The following FAM118B variants were observed in gnomAD, a reference collection of about 807,000 sequenced individuals.
FAM118B encodes protein FAM118B.
Under a neutral mutation model 38.5 loss-of-function variants are expected in FAM118B, and 24 were observed. The observed-to-expected ratio is 0.62, with a 90% CI of 0.45 to 0.88. The LOEUF (loss-of-function observed/expected upper bound fraction) is 0.88, where lower values mean the gene tolerates loss of function less well. Among genes scored for constraint, FAM118B ranks in the 40% least tolerant of loss-of-function variants. FAM118B has a pLI of 0.00. For synonymous variants in FAM118B, 138 were observed against 156.3 expected, an observed-to-expected ratio of 0.88 and a Z score of 0.87; for missense variants, 334 against 420.0, an observed-to-expected ratio of 0.80 and a Z score of 1.79.
intron 2 of FAM118B, chr11:126,233,507 A>T (rs921787051): frequency 1.9e-5 from 5 of 259,248 alleles, no homozygotes; most frequent in African/African-American, 1.2e-4. Context: ...AAAACAAAAA[A>T]CCCAGAAAAA....
chr11:126,248,523 C>T (rs68088765), intron 4 of FAM118B, among the ~76,000 whole-genome samples: 8,394 of 151,756 alleles, frequency 0.055, 362 homozygotes, highest in East Asian at 0.17. Context: ...GGCACCACCA[C>T]CACGCCCAGC....
intron 2 of FAM118B, chr11:126,233,571 TCTC>T (rs1280648439): frequency 2.8e-6 from 1 of 355,496 alleles, no homozygotes; most frequent in Non-Finnish European, 5.4e-6. Flanking sequence ...TCATCTGTCT[TCTC>T]CTGAGCCCCA....
chr11:126,245,794 C>T (rs1950411742), intron 4 of FAM118B, among the ~76,000 whole-genome samples: 2 of 151,956 alleles, frequency 1.3e-5, no homozygotes, highest in Admixed American at 1.3e-4. Flanking sequence ...GTCGGAAGTT[C>T]GAGACCAGCC....
In FAM118B at chr11:126,241,008, C is replaced by T. The variant is rs773098505; in HGVS notation, c.303C>T (p.Val101=). 3.2e-5 allele frequency: 51 copies of T among 1,612,162 alleles called. No individual in the cohort carries two copies. The Middle Eastern group carries it at 9.9e-4, about 31-fold the overall frequency. Residue 101 remains valine, a synonymous_variant, in exon 4 of 9, where the codon GTC becomes GTT. Coordinates refer to ENST00000533050, the MANE Select transcript of FAM118B (RefSeq NM_024556.4). ...QKCLHEDKNL[V]HVAHDLIQKL... ...GTCTCCATGAAGACAAGAACCTGGT[C>T]CATGTTGCCCATGACCTTATCCAGA...
At chr11:126,220,443 G>T (rs1044850060) in intron 1 of FAM118B, among the ~76,000 whole-genome samples, 2 of 152,008 alleles carry the variant, frequency 1.3e-5, no homozygotes, top group African/African-American at 4.8e-5. Context: ...GGGCTTGGTG[G>T]CCCATGCCTG....
Position 126,255,641 on chromosome 11 carries a change from G to C in FAM118B, c.697-926G>C, listed in dbSNP as rs1393518919. Among the ~76,000 whole-genome samples the C allele has an allele frequency of 6.6e-6, 1 of 152,136 alleles. No individual in the cohort carries two copies. The highest frequency in any genetic ancestry group is 1.9e-4 in the East Asian group (1 of 5,198). On this transcript the variant is annotated intron_variant, in intron 6 of 8. Coordinates refer to ENST00000533050, the MANE Select transcript of FAM118B (RefSeq NM_024556.4). This position sits in a 1 kb window ranked among gnomAD's most constrained non-coding sequence, Gnocchi z 4.6. Reference sequence around the variant, plus strand: ...AAATGGAAGGATTAAGATATATGAAGACCTACTCTTTGCACAATGACCTCT... The same window carrying C: ...AAATGGAAGGATTAAGATATATGAACACCTACTCTTTGCACAATGACCTCT...
chr11:126,261,150 T>TATGTGAA lies in FAM118B; in HGVS notation c.983-270_983-264dup, dbSNP rs544443149. ...AGGGACAGCAGACACATGTTGCCTGTATGTGAAATGTAAAATGTAAAATGT... is the reference window on the plus strand; with the variant it reads ...AGGGACAGCAGACACATGTTGCCTGTATGTGAAATGTGAAATGTAAAATGTAAAATGT... On this transcript the variant is annotated intron_variant, in intron 7 of 8. Coordinates refer to ENST00000533050, the MANE Select transcript of FAM118B (RefSeq NM_024556.4). 5.5e-4 allele frequency: 140 copies of TATGTGAA among 255,178 alleles called. 3 individuals carry two copies. In the East Asian group the frequency reaches 0.014, roughly 26 times the overall value. 15.8% of individuals were successfully genotyped at this position (255,178 alleles called of 1,614,324 possible). A position where few individuals can be genotyped will look rare whatever the true frequency, so the allele number is the denominator to read the frequency against.
In FAM118B at chr11:126,250,397, T is replaced by C. The variant is rs1292367996; in HGVS notation, c.340-109T>C. The C allele has an allele frequency of 1.3e-6, 1 of 742,730 alleles. No individual in the cohort carries two copies. The highest frequency in any genetic ancestry group is 1.8e-5 in the African/African-American group (1 of 56,816). The allele number at this position is 742,730 out of a possible 1,614,324, so 46.0% of individuals were successfully genotyped here. On this transcript the variant is annotated intron_variant, in intron 4 of 8. Coordinates refer to ENST00000533050, the MANE Select transcript of FAM118B (RefSeq NM_024556.4). The surrounding 1 kb of genome is among the most constrained non-coding windows in gnomAD (Gnocchi z 5.1). The stretch of plus-strand genomic sequence containing the variant: ...TGAGCCACTGCGCCTGGCCTTTATC[T>C]CTGTTTTGAATTCAAAATATTCTTC...
intron 1 of FAM118B, among the ~76,000 whole-genome samples, chr11:126,227,008 A>C (rs1212314554): frequency 6.6e-6 from 1 of 150,488 alleles, no homozygotes; most frequent in Non-Finnish European, 1.5e-5. Context: ...TTAACTATTG[A>C]ATGATAAATT....
intron 1 of FAM118B, among the ~76,000 whole-genome samples, chr11:126,221,252 A>G (rs1215804859): frequency 6.6e-6 from 1 of 152,208 alleles, no homozygotes; most frequent in Non-Finnish European, 1.5e-5. Flanking sequence ...TGAAAAGAAT[A>G]TCATGCTAGT....
At chr11:126,213,024 T>C (rs1949909778) in intron 1 of FAM118B, among the ~76,000 whole-genome samples, 1 of 152,202 alleles carries the variant, frequency 6.6e-6, no homozygotes, top group African/African-American at 2.4e-5. Context: ...TGATGAGGTC[T>C]GGTCTTTTCC....
rs551851934 is a variant in FAM118B, at chr11:126,250,029, G to C, written c.340-477G>C. On this transcript the variant is annotated intron_variant, in intron 4 of 8. Coordinates refer to ENST00000533050, the MANE Select transcript of FAM118B (RefSeq NM_024556.4). This position sits in a 1 kb window ranked among gnomAD's most constrained non-coding sequence, Gnocchi z 5.1. The stretch of plus-strand genomic sequence containing the variant: ...CTGCTAAGCATTGTGCTAAGCACTT[G>C]GCATGTATCATCTCATCTTCCTTAT... 8.6e-5 allele frequency among the ~76,000 whole-genome samples: 13 copies of C among 151,714 alleles called. No homozygotes were observed. Among genetic ancestry groups the C allele is most frequent in the Admixed American group, 5.2e-4 (8 of 15,244 alleles).
chr11:126,214,519 TTTTTTTTTA>T (rs1949953378), intron 1 of FAM118B: 1 of 115,340 alleles, frequency 8.7e-6, no homozygotes. Flanking sequence ...TTTTTGTTTT[TTTTTTTTTA>T]CCTCTATATT....
At chr11:126,221,018 C>T (rs960109949) in intron 1 of FAM118B, among the ~76,000 whole-genome samples, 1 of 152,064 alleles carries the variant, frequency 6.6e-6, no homozygotes, top group Non-Finnish European at 1.5e-5. Context: ...GAAACCCTGT[C>T]TTTACTAAAA....
chr11:126,223,638 T>A (rs1347381212), intron 1 of FAM118B, among the ~76,000 whole-genome samples: 2 of 152,060 alleles, frequency 1.3e-5, no homozygotes, highest in African/African-American at 4.8e-5. Context: ...TTTTCTCTAA[T>A]TGTATTTTAG....
At chr11:126,240,488 T>C (rs1465837075) in intron 3 of FAM118B, among the ~76,000 whole-genome samples, 1 of 152,188 alleles carries the variant, frequency 6.6e-6, no homozygotes, top group East Asian at 1.9e-4. Flanking sequence ...TGAGCTATAG[T>C]CTATTTGGAT....
In FAM118B at chr11:126,252,229, T is replaced by C. The variant is rs1448554826; in HGVS notation, c.567+1496T>C. ...CTCGAACTCCTGACCTCAGGTGATC[T>C]GCCCACCTTAGCCTCCCAAAGTGCT... On this transcript the variant is annotated intron_variant, in intron 5 of 8. Transcript: ENST00000533050. This position sits in a 1 kb window ranked among gnomAD's most constrained non-coding sequence, Gnocchi z 4.7. 6.6e-6 allele frequency among the ~76,000 whole-genome samples: 1 copy of C among 152,080 alleles called. No homozygotes were observed. Among genetic ancestry groups the C allele is most frequent in the Admixed American group, 6.5e-5 (1 of 15,272 alleles).
rs34983028 is a variant in FAM118B, at chr11:126,236,917, C to CT, written c.86+1850dup. 2.1e-3 allele frequency among the ~76,000 whole-genome samples: 145 copies of CT among 68,384 alleles called. 2 individuals are homozygous for CT. Among genetic ancestry groups the CT allele is most frequent in the Non-Finnish European group, 2.8e-3 (111 of 39,554 alleles). The allele number at this position is 68,384 out of a possible 152,430, so 44.9% of individuals were successfully genotyped here. ...GCACTCTGTTTATGTTTCACAGATG[C>CT]TTTTTTTTTTTTTTTTTTTTAGACA... On this transcript the variant is annotated intron_variant, in intron 3 of 8. Coordinates refer to ENST00000533050, the MANE Select transcript of FAM118B (RefSeq NM_024556.4).
chr11:126,245,641 C>A (rs983600737), intron 4 of FAM118B, among the ~76,000 whole-genome samples: 3 of 151,970 alleles, frequency 2.0e-5, no homozygotes, highest in Admixed American at 6.6e-5. Flanking sequence ...CTGCAATCAG[C>A]TATGATCATG....
Sources: allele counts gnomAD v4.1 joint callset (sites outside exome capture counted in the v4.1 genomes callset), GRCh38; gene constraint gnomAD v4.1.1; non-coding constraint Gnocchi (gnomAD v3.1); transcripts MANE v1.5; gene names NCBI Gene and HGNC (gene_info 2026-07-23, HGNC 2026-07-21).